ABHD12: variants seen among roughly 807,000 people sequenced by gnomAD.
ABHD12 encodes abhydrolase domain containing 12, lysophospholipase, also known as lysophosphatidylserine lipase ABHD12.
ABHD12 carries 43 observed loss-of-function variants against 58.3 expected under a neutral mutation model. The observed-to-expected ratio is 0.74, with a 90% CI of 0.58 to 0.95. The LOEUF (loss-of-function observed/expected upper bound fraction) is 0.95, where lower values mean the gene tolerates loss of function less well. Ranked by LOEUF, ABHD12 falls within the 40% of genes least tolerant of loss-of-function variation. The probability of loss-of-function intolerance (pLI) is 0.00; values close to 1 mark genes in which losing one functional copy is unlikely to be tolerated. For missense variants in ABHD12, 539 were observed against 537.2 expected (o/e 1.00, Z -0.03); for synonymous variants, 219 against 211.2 (o/e 1.04, Z -0.32).
chr20:25,321,855 A>C (rs935736396), intron 3 of ABHD12, among the ~76,000 whole-genome samples: 2 of 152,230 alleles, frequency 1.3e-5, no homozygotes, highest in East Asian at 3.8e-4. Context: ...AAGTGACAAA[A>C]GACTTTAATC....
At chr20:25,296,498 GC>G, downstream of ABHD12, 1 of 1,613,494 alleles carries the variant, frequency 6.2e-7, no homozygotes, top group Non-Finnish European at 8.5e-7. Context: ...TGCAGATCCC[GC>G]CCCCCAACAT....
chr20:25,328,102 T>TG (rs1187974459), intron 2 of ABHD12, among the ~76,000 whole-genome samples: 1 of 148,840 alleles, frequency 6.7e-6, no homozygotes, highest in African/African-American at 2.5e-5. Flanking sequence ...GCCAGTCTCC[T>TG]GGAAAAAAAA....
At chr20:25,362,460 G>A (rs906792196) in intron 1 of ABHD12, among the ~76,000 whole-genome samples, 48 of 151,410 alleles carry the variant, frequency 3.2e-4, no homozygotes, top group African/African-American at 1.0e-3. Flanking sequence ...CTATCTACTC[G>A]GGAGGCTGAG....
At chr20:25,358,045 A>G (rs773363424) in intron 1 of ABHD12, among the ~76,000 whole-genome samples, 4 of 152,158 alleles carry the variant, frequency 2.6e-5, no homozygotes, top group Non-Finnish European at 5.9e-5. Flanking sequence ...ATCTAATGAC[A>G]GCAGGGGTGG....
In ABHD12 at chr20:25,334,648, C is replaced by T. The variant is rs1451240936; in HGVS notation, c.316+4579G>A. 3.3e-5 allele frequency among the ~76,000 whole-genome samples: 5 copies of T among 152,016 alleles called. 1 individual carries two copies. Among genetic ancestry groups the T allele is most frequent in the Middle Eastern group, 6.8e-3 (2 of 294 alleles). On this transcript the variant is annotated intron_variant, in intron 2 of 12. Transcript: ENST00000339157. ...CAGAACAGAGCCCTCAGAAATAACACCGCATATCTGCAACTATCTGATCTT... is the reference window on the plus strand; with the variant it reads ...CAGAACAGAGCCCTCAGAAATAACATCGCATATCTGCAACTATCTGATCTT...
intron 1 of ABHD12, among the ~76,000 whole-genome samples, chr20:25,359,423 C>CAAAAAAAAAAA (rs565367954): frequency 6.5e-4 from 41 of 63,106 alleles, no homozygotes; most frequent in African/African-American, 1.7e-3. Context: ...GACTCCGTCT[C>CAAAAAAAAAAA]AAAAAAAAAA....
rs2088656572 is a variant in ABHD12 at position 25,302,513 on chromosome 20, G to A, written c.1030-167C>T. Among the ~76,000 whole-genome samples, 6 of 152,020 alleles carry A rather than the reference G, an allele frequency of 3.9e-5. No homozygotes were observed. The South Asian group carries it at 1.2e-3, about 32-fold the overall frequency. On this transcript the variant is annotated intron_variant, in intron 11 of 12. Coordinates refer to ENST00000339157, the MANE Select transcript of ABHD12 (RefSeq NM_001042472.3). ...ACCAGGAGGCCCGGGGGTGGGCTGG[G>A]AGGAGCCAGGCCCCAGGCTTGGCTC...
At chr20:25,333,803 C>T (rs6050541) in intron 2 of ABHD12, among the ~76,000 whole-genome samples, 93,030 of 150,966 alleles carry the variant, frequency 0.62, 30,251 homozygotes, top group African/African-American at 0.79. Context: ...TGATGGGACA[C>T]ATCTCAAAAT....
At chr20:25,356,425 C>T (rs1301488615) in intron 1 of ABHD12, among the ~76,000 whole-genome samples, 1 of 152,242 alleles carries the variant, frequency 6.6e-6, no homozygotes, top group East Asian at 1.9e-4. Context: ...ACTTTCCTTG[C>T]AGGGTGCAGG....
intron 1 of ABHD12, among the ~76,000 whole-genome samples, chr20:25,370,339 G>C (rs2089884282): frequency 6.6e-6 from 1 of 152,132 alleles, no homozygotes; most frequent in Non-Finnish European, 1.5e-5. Context: ...GGGGGCCACA[G>C]AGAAGGTCAC....
chr20:25,382,940 G>A (rs541572801), intron 1 of ABHD12, among the ~76,000 whole-genome samples: 1,696 of 146,442 alleles, frequency 0.012, 32 homozygotes, highest in African/African-American at 0.037. Context: ...TACCAGTTGA[G>A]GGGGGGGGCC....
intron 1 of ABHD12, among the ~76,000 whole-genome samples, chr20:25,349,123 T>A (rs6083810): frequency 0.35 from 52,939 of 150,936 alleles, 10,874 homozygotes; most frequent in Non-Finnish European, 0.47. Flanking sequence ...AGATATTGTA[T>A]CATACAATCT....
At chr20:25,375,224 T>C (rs1219297044) in intron 1 of ABHD12, among the ~76,000 whole-genome samples, 2 of 152,220 alleles carry the variant, frequency 1.3e-5, no homozygotes, top group Admixed American at 1.3e-4. Flanking sequence ...GCCTCTGGAA[T>C]CGAGAGAAAA....
intron 1 of ABHD12, among the ~76,000 whole-genome samples, chr20:25,361,080 T>C (rs1048838819): frequency 6.6e-6 from 1 of 152,234 alleles, no homozygotes; most frequent in Non-Finnish European, 1.5e-5. Context: ...CAACAAAAGA[T>C]ACAGGGCCCA....
chr20:25,304,368 G>A lies in ABHD12; in HGVS notation c.951-740C>T, dbSNP rs1312438774. On this transcript the variant is annotated intron_variant, in intron 10 of 12. Transcript: ENST00000339157. The stretch of plus-strand genomic sequence containing the variant: ...TCTCACCAGAGGCTCTGGAGGAAGC[G>A]GCAGTACTTGGGATTTCCCAGACCA... Among the ~76,000 whole-genome samples, 5 of 152,334 alleles carry A rather than the reference G, an allele frequency of 3.3e-5. No homozygotes were observed. In the East Asian group the frequency reaches 5.8e-4, roughly 18 times the overall value.
intron 1 of ABHD12, among the ~76,000 whole-genome samples, chr20:25,388,198 TAA>T (rs1164179523): frequency 6.6e-6 from 1 of 151,794 alleles, no homozygotes; most frequent in Non-Finnish European, 1.5e-5. Flanking sequence ...ATGTCGACAA[TAA>T]AGAGTTTAAA....
chr20:25,370,813 T>C (rs1035904230), intron 1 of ABHD12, among the ~76,000 whole-genome samples: 2 of 151,962 alleles, frequency 1.3e-5, no homozygotes, highest in Non-Finnish European at 2.9e-5. Context: ...TCTCAATCAA[T>C]GTTATTTTTA....
intron 4 of ABHD12, among the ~76,000 whole-genome samples, chr20:25,318,060 T>G (rs2088995580): frequency 6.6e-6 from 1 of 152,180 alleles, no homozygotes; most frequent in Non-Finnish European, 1.5e-5. Flanking sequence ...TTCACACCTG[T>G]AATCCCAGCA....
chr20:25,387,159 T>A lies in ABHD12; in HGVS notation c.191+3354A>T, dbSNP rs140015458. 1.7e-3 allele frequency among the ~76,000 whole-genome samples: 256 copies of A among 152,270 alleles called. 3 individuals are homozygous for A. Among genetic ancestry groups the A allele is most frequent in the African/African-American group, 5.8e-3 (240 of 41,558 alleles). On this transcript the variant is annotated intron_variant, in intron 1 of 12. Coordinates refer to ENST00000339157, the MANE Select transcript of ABHD12 (RefSeq NM_001042472.3). ...TTAGCAACACACCCCAGCATGGCAC[T>A]TAAATGGCAAAAACACTAACAGCAT...
Sources: gnomAD v4.1 joint callset for allele counts (sites outside exome capture counted in the v4.1 genomes callset) on GRCh38, gnomAD v4.1.1 for gene constraint, MANE v1.5 for transcripts, NCBI Gene and HGNC (gene_info 2026-07-23, HGNC 2026-07-21) for gene names.